Variants in BIN1 observed in about 807,000 individuals in gnomAD.
BIN1 encodes the protein bridging integrator 1, also known as myc box-dependent-interacting protein 1.
A neutral mutation model predicts 82.0 loss-of-function variants in BIN1; 53 were observed. That is an observed-to-expected ratio of 0.65 (90% CI 0.52 to 0.81). The LOEUF (loss-of-function observed/expected upper bound fraction) is 0.81, where lower values mean the gene tolerates loss of function less well. Among genes scored for constraint, BIN1 ranks in the 40% least tolerant of loss-of-function variants. The pLI, the probability that BIN1 is intolerant of heterozygous loss-of-function variation, is 0.00. For missense variants in BIN1, 642 were observed against 784.4 expected (o/e 0.82, Z 2.17); for synonymous variants, 302 against 328.0 (o/e 0.92, Z 0.86).
At chr2:127,078,759 C>A (rs1330783014) in intron 1 of BIN1, among the ~76,000 whole-genome samples, 2 of 152,166 alleles carry the variant, frequency 1.3e-5, no homozygotes, top group Admixed American at 1.3e-4. Flanking sequence ...CCAGAAGGGA[C>A]CCCCCAGAAA....
intron 7 of BIN1, among the ~76,000 whole-genome samples, chr2:127,066,857 C>A (rs1006795236): frequency 2.6e-4 from 40 of 152,130 alleles, no homozygotes; most frequent in African/African-American, 9.2e-4. Flanking sequence ...GATCGCTCAG[C>A]CCCAGGAGTT....
chr2:127,052,526 C>A, intron 14 of BIN1, 164 bp from the exon 15 acceptor site: 1 of 638,744 alleles, frequency 1.6e-6, no homozygotes, highest in Non-Finnish European at 2.8e-6. Context: ...CTCCCACATC[C>A]TCTCTCCTAC....
intron 1 of BIN1, among the ~76,000 whole-genome samples, chr2:127,104,463 G>A (rs1488561633): frequency 1.3e-5 from 2 of 152,172 alleles, no homozygotes; most frequent in Non-Finnish European, 2.9e-5. Flanking sequence ...GGGGTGAAGG[G>A]TGGATGCAAG....
intron 18 of BIN1, 146 bp downstream of exon 18, chr2:127,050,275 G>GGGCGGGGAGGAGCAGTT: frequency 1.3e-6 from 1 of 775,092 alleles, no homozygotes; most frequent in Non-Finnish European, 2.2e-6. Flanking sequence ...CCGACGTGGA[G>GGGCGGGGAGGAGCAGTT]GGCGGGGAGG....
intron 15 of BIN1, 79 bp downstream of exon 15, chr2:127,052,176 C>A (rs1382796064): frequency 2.8e-6 from 4 of 1,428,388 alleles, no homozygotes; most frequent in East Asian, 5.0e-5. Context: ...TCCTGCAACC[C>A]CTCCTCGGGG....
intron 7 of BIN1, among the ~76,000 whole-genome samples, chr2:127,066,483 T>A (rs1238982012): frequency 6.6e-6 from 1 of 152,160 alleles, no homozygotes; most frequent in Non-Finnish European, 1.5e-5. Flanking sequence ...CACAAAAAAA[T>A]GTTTCACCTG....
intron 2 of BIN1, among the ~76,000 whole-genome samples, chr2:127,074,662 A>T (rs1360848753): frequency 6.6e-6 from 1 of 152,072 alleles, no homozygotes; most frequent in African/African-American, 2.4e-5. Context: ...TCAGCTCCCA[A>T]CTGTGCTTCC....
At chr2:127,069,119 C>A (rs867484505) in intron 5 of BIN1, 88 bp from the exon 6 acceptor site, 17 of 1,278,036 alleles carry the variant, frequency 1.3e-5, no homozygotes, top group African/African-American at 1.0e-4. Flanking sequence ...ACCCGCAGGG[C>A]GGGCAGGAGA....
chr2:127,082,655 C>T lies in BIN1; in HGVS notation c.85-5949G>A, dbSNP rs1175119542. ...CCAGTCTGAGGACAGTCCCGCAGATCCCATAGTCACCTAGTTCCCCAGCAC... is the reference window on the plus strand; with the variant it reads ...CCAGTCTGAGGACAGTCCCGCAGATTCCATAGTCACCTAGTTCCCCAGCAC... On this transcript the variant is annotated intron_variant, in intron 1 of 18. Transcript: ENST00000316724. The surrounding 1 kb of genome is among the most constrained non-coding windows in gnomAD (Gnocchi z 6.1). 6.6e-6 allele frequency among the ~76,000 whole-genome samples: 1 copy of T among 152,196 alleles called. No individual in the cohort carries two copies. The highest frequency in any genetic ancestry group is 1.5e-5 in the Non-Finnish European group (1 of 68,032).
At chr2:127,097,954 C>A (rs958679158) in intron 1 of BIN1, among the ~76,000 whole-genome samples, 2 of 152,220 alleles carry the variant, frequency 1.3e-5, no homozygotes, top group Non-Finnish European at 2.9e-5. Context: ...TCTGAGGAGG[C>A]TTCCCTGACT....
chr2:127,077,300 C>T (rs1038195744), intron 1 of BIN1, among the ~76,000 whole-genome samples: 1 of 149,956 alleles, frequency 6.7e-6, no homozygotes, highest in Non-Finnish European at 1.5e-5. Flanking sequence ...GCCCCAGGCA[C>T]TCTGCTCTGC....
chr2:127,058,481 G>A (rs763459597), intron 11 of BIN1, among the ~76,000 whole-genome samples: 4 of 152,168 alleles, frequency 2.6e-5, no homozygotes, highest in Non-Finnish European at 4.4e-5. Flanking sequence ...GGGGCAGGCG[G>A]GGTGGAGACA....
At chr2:127,077,471 G>A (rs1444528082) in intron 1 of BIN1, among the ~76,000 whole-genome samples, 1 of 152,124 alleles carries the variant, frequency 6.6e-6, no homozygotes. Context: ...GCAGAGAAGA[G>A]GAGCCACACC....
At chr2:127,069,895 G>T in intron 5 of BIN1, 100 bp downstream of exon 5, 1 of 1,294,746 alleles carries the variant, frequency 7.7e-7, no homozygotes, top group Non-Finnish European at 1.1e-6. Flanking sequence ...CCTGCCTCCA[G>T]GACAGCCTCC....
Position 127,060,654 on chromosome 2 carries a change from C to CG in BIN1, c.857+1460dup, listed in dbSNP as rs1474742662. On this transcript the variant is annotated intron_variant, in intron 10 of 18. Coordinates refer to ENST00000316724, the MANE Select transcript of BIN1 (RefSeq NM_139343.3). ...TTACTTTTCTTTCTGTGGGGACGGACGGGAGGTGGAGGCCTTCATTCTGGA... is the reference window on the plus strand; with the variant it reads ...TTACTTTTCTTTCTGTGGGGACGGACGGGGAGGTGGAGGCCTTCATTCTGGA... 9.3e-6 allele frequency: 15 copies of CG among 1,614,006 alleles called. No homozygotes were observed. The African/African-American group carries it at 1.9e-4, about 20-fold the overall frequency.
At chr2:127,103,002 G>C (rs150675236) in intron 1 of BIN1, among the ~76,000 whole-genome samples, 581 of 152,334 alleles carry the variant, frequency 3.8e-3, no homozygotes, top group Non-Finnish European at 5.2e-3. Context: ...AAGATGGACA[G>C]AGATGGGAAT....
chr2:127,092,878 G>A (rs568566984), intron 1 of BIN1, among the ~76,000 whole-genome samples: 84 of 152,244 alleles, frequency 5.5e-4, no homozygotes, highest in South Asian at 4.3e-3. Flanking sequence ...CCGAAAGGAA[G>A]AGGAGCTCCT....
chr2:127,083,868 G>T (rs1035107757), intron 1 of BIN1, among the ~76,000 whole-genome samples: 6 of 152,214 alleles, frequency 3.9e-5, no homozygotes, highest in African/African-American at 1.2e-4. Flanking sequence ...TCAGGTTAAA[G>T]GCTGCTTTGG....
chr2:127,054,454 G>A (rs898336834), intron 12 of BIN1: 2 of 236,888 alleles, frequency 8.4e-6, no homozygotes, highest in South Asian at 5.5e-5. Context: ...CCCCAGTGGC[G>A]AGAGTAACAC....
Sources: allele counts gnomAD v4.1 joint callset (sites outside exome capture counted in the v4.1 genomes callset), GRCh38; gene constraint gnomAD v4.1.1; non-coding constraint Gnocchi (gnomAD v3.1); transcripts MANE v1.5; gene names NCBI Gene and HGNC (gene_info 2026-07-23, HGNC 2026-07-21).